The following PCDHGA2 variants were observed in gnomAD, a reference collection of about 807,000 sequenced individuals.
The protein encoded by PCDHGA2 is protocadherin gamma-A2.
In PCDHGA2, 40 loss-of-function variants were observed where a neutral mutation model predicts 59.2. The observed-to-expected ratio is 0.68, with a 90% CI of 0.52 to 0.88. The LOEUF is 0.88. Among genes scored for constraint, PCDHGA2 ranks in the 40% least tolerant of loss-of-function variants. The probability of loss-of-function intolerance (pLI) is 0.00; values close to 1 mark genes in which losing one functional copy is unlikely to be tolerated. For missense variants in PCDHGA2, 1,226 were observed against 1,204.0 expected (o/e 1.02, Z -0.27); for synonymous variants, 560 against 526.0 (o/e 1.06, Z -0.89).
intron 1 of PCDHGA2, chr5:141,440,036 A>T (rs540100930): frequency 6.5e-6 from 1 of 153,058 alleles, no homozygotes; most frequent in Non-Finnish European, 1.5e-5. Context: ...TGTCGAGGAC[A>T]TGCCCACTTG....
At chr5:141,371,163 G>T (rs79773129) in intron 1 of PCDHGA2, 6 of 1,613,984 alleles carry the variant, frequency 3.7e-6, no homozygotes, top group Non-Finnish European at 5.1e-6. Flanking sequence ...GAACCTGCCC[G>T]CTGGCTCCTC....
intron 1 of PCDHGA2, chr5:141,372,339 G>A (rs751001716): frequency 6.2e-7 from 1 of 1,613,798 alleles, no homozygotes; most frequent in South Asian, 1.1e-5. Flanking sequence ...TGTGCGTGAT[G>A]GAGGACAGCA....
chr5:141,445,272 T>C (rs1057201147), intron 1 of PCDHGA2, among the ~76,000 whole-genome samples: 1 of 152,236 alleles, frequency 6.6e-6, no homozygotes, highest in Non-Finnish European at 1.5e-5. Flanking sequence ...TCGAAACCAC[T>C]CTGCATAAGT....
In PCDHGA2 at chr5:141,344,127, C is replaced by T. The variant is rs780910092; in HGVS notation, c.2424+2732C>T. 6 of 1,613,904 alleles carry T rather than the reference C, an allele frequency of 3.7e-6. No homozygotes were observed. The highest frequency in any genetic ancestry group is 4.5e-5 in the East Asian group (2 of 44,896). On this transcript the variant is annotated intron_variant, in intron 1 of 3. Coordinates refer to ENST00000394576, the MANE Select transcript of PCDHGA2 (RefSeq NM_018915.4). ...GTGCGAAACAGGATCCGGTCAGATCCGCTACTCGGTGTCTGAGGAGCTAGA... is the reference window on the plus strand; with the variant it reads ...GTGCGAAACAGGATCCGGTCAGATCTGCTACTCGGTGTCTGAGGAGCTAGA...
At chr5:141,421,813 G>A in intron 1 of PCDHGA2, 1 of 1,613,838 alleles carries the variant, frequency 6.2e-7, no homozygotes, top group Non-Finnish European at 8.5e-7. Flanking sequence ...TCCAGAGCTA[G>A]TACTGGAGGG....
intron 1 of PCDHGA2, among the ~76,000 whole-genome samples, chr5:141,447,975 A>G (rs1352829510): frequency 6.6e-6 from 1 of 151,928 alleles, no homozygotes; most frequent in Non-Finnish European, 1.5e-5. Flanking sequence ...AATCCCAGCT[A>G]CTCGGGAGGC....
intron 1 of PCDHGA2, chr5:141,421,143 A>T (rs2096549098): frequency 3.1e-6 from 3 of 964,414 alleles, no homozygotes; most frequent in Non-Finnish European, 4.5e-6. Flanking sequence ...TTTTGGATGT[A>T]GTCGGCCTAG....
chr5:141,355,361 T>A (rs1759813020), intron 1 of PCDHGA2: 1 of 1,613,902 alleles, frequency 6.2e-7, no homozygotes, highest in African/African-American at 1.3e-5. Context: ...GACCTGGGGT[T>A]GGCGCCCCGG....
rs758205179 is a variant in PCDHGA2 at position 141,477,813 on chromosome 5, A to G, written c.2425-16994A>G. ...ACTGATCGCAATGACAATGCCCCCC[A>G]GGTCCTATATCCTCGGCCAGGTGGG... On this transcript the variant is annotated intron_variant, in intron 1 of 3. Transcript: ENST00000394576. This position sits in a 1 kb window ranked among gnomAD's most constrained non-coding sequence, Gnocchi z 4.9. The G allele has an allele frequency of 8.1e-6, 13 of 1,614,002 alleles. No homozygotes were observed. The East Asian group carries it at 2.7e-4, about 33-fold the overall frequency.
chr5:141,348,603 ACC>A (rs2149749641), intron 1 of PCDHGA2, among the ~76,000 whole-genome samples: 1 of 152,326 alleles, frequency 6.6e-6, no homozygotes, highest in Non-Finnish European at 1.5e-5. Flanking sequence ...AGAGTATGGA[ACC>A]CATACAATTC....
Position 141,493,876 on chromosome 5 carries a change from G to T in PCDHGA2, c.2425-931G>T, listed in dbSNP as rs2099750541. 6.6e-6 allele frequency among the ~76,000 whole-genome samples: 1 copy of T among 152,194 alleles called. No homozygotes were observed. ...CAGCCCACCCCAGAACCAGTGAGGA[G>T]GTGGCTCTAGGAGTGCTCCATGAGA... On this transcript the variant is annotated intron_variant, in intron 1 of 3. Transcript: ENST00000394576. The surrounding 1 kb of genome is among the most constrained non-coding windows in gnomAD (Gnocchi z 4.3).
At chr5:141,461,820 A>AT (rs1458631685) in intron 1 of PCDHGA2, among the ~76,000 whole-genome samples, 5 of 147,814 alleles carry the variant, frequency 3.4e-5, no homozygotes, top group African/African-American at 7.5e-5. Context: ...CACCCAGCTA[A>AT]TTTTTTTTTC....
Position 141,486,674 on chromosome 5 carries a change from G to A in PCDHGA2, c.2425-8133G>A. On this transcript the variant is annotated intron_variant, in intron 1 of 3. Transcript: ENST00000394576. This position sits in a 1 kb window ranked among gnomAD's most constrained non-coding sequence, Gnocchi z 5.0. ...CTCACTCCTGGAGCCCAGGAATCGA[G>A]ATGTATCAGCTTCCTCTTTCATCTC... The A allele has an allele frequency of 1.9e-6, 3 of 1,614,080 alleles. No individual in the cohort carries two copies. Among genetic ancestry groups the A allele is most frequent in the Non-Finnish European group, 2.5e-6 (3 of 1,180,036 alleles).
chr5:141,356,985 C>T, intron 1 of PCDHGA2: 2 of 1,614,208 alleles, frequency 1.2e-6, no homozygotes, highest in Non-Finnish European at 1.7e-6. Context: ...TGGCAGTGGA[C>T]AGAGACTCAG....
In PCDHGA2 at chr5:141,344,573, G is replaced by A. The variant is rs1757437719; in HGVS notation, c.2424+3178G>A. On this transcript the variant is annotated intron_variant, in intron 1 of 3. Coordinates refer to ENST00000394576, the MANE Select transcript of PCDHGA2 (RefSeq NM_018915.4). ...TTAGCCCCAATGACTACTTCTCTCT[G>A]GCTGTGAATAGCGTCTCTGAGGGGG... 6 of 1,613,962 alleles carry A rather than the reference G, an allele frequency of 3.7e-6. No homozygotes were observed. The East Asian group carries it at 1.3e-4, about 36-fold the overall frequency.
At chr5:141,423,022 T>C in intron 1 of PCDHGA2, 1 of 1,614,194 alleles carries the variant, frequency 6.2e-7, no homozygotes, top group Non-Finnish European at 8.5e-7. Flanking sequence ...GGACAAAGAT[T>C]CAGGCCAGAA....
At chr5:141,506,649 T>C (rs1487823663) in intron 3 of PCDHGA2, among the ~76,000 whole-genome samples, 1 of 152,114 alleles carries the variant, frequency 6.6e-6, no homozygotes, top group Admixed American at 6.6e-5. Context: ...CAGCACAGGA[T>C]TGGCAGAGAG....
chr5:141,509,292 T>A (rs1407798154), intron 3 of PCDHGA2, among the ~76,000 whole-genome samples: 1 of 152,028 alleles, frequency 6.6e-6, no homozygotes, highest in Non-Finnish European at 1.5e-5. Context: ...GGGTCCAGGG[T>A]GGAGGCAGAG....
At position 141,414,787 on chromosome 5, in the gene PCDHGA2, G is replaced by C. The variant is rs372484037; in HGVS notation, c.2424+73392G>C. ...TCATGAGCTACAGATGCAGGTGACA[G>C]CCAGCGACAGCGGGGATCCTCCACT... On this transcript the variant is annotated intron_variant, in intron 1 of 3. Coordinates refer to ENST00000394576, the MANE Select transcript of PCDHGA2 (RefSeq NM_018915.4). 12 of 1,614,230 alleles carry C rather than the reference G, an allele frequency of 7.4e-6. No homozygotes were observed. The highest frequency in any genetic ancestry group is 2.2e-5 in the East Asian group (1 of 44,874).
Sources: gnomAD v4.1 joint callset for allele counts (sites outside exome capture counted in the v4.1 genomes callset) on GRCh38, gnomAD v4.1.1 for gene constraint, Gnocchi (gnomAD v3.1) non-coding constraint, MANE v1.5 for transcripts, NCBI Gene and HGNC (gene_info 2026-07-23, HGNC 2026-07-21) for gene names.